Variants in ANO4 observed in about 807,000 individuals in gnomAD.
ANO4 encodes the protein anoctamin-4.
ANO4 carries 69 observed loss-of-function variants against 141.9 expected under a neutral mutation model. The observed-to-expected ratio is 0.49, with a 90% confidence interval of 0.40 to 0.59. The LOEUF is 0.59. Ranked by LOEUF, ANO4 falls within the 20% of genes least tolerant of loss-of-function variation. ANO4 has a pLI of 0.00. For missense variants in ANO4, 894 were observed against 1,162.2 expected (o/e 0.77, Z 3.36); for synonymous variants, 350 against 394.3 (o/e 0.89, Z 1.33).
intron 3 of ANO4, among the ~76,000 whole-genome samples, chr12:100,740,263 G>A (rs1484510148): frequency 6.6e-6 from 1 of 151,994 alleles, no homozygotes; most frequent in Non-Finnish European, 1.5e-5. Context: ...TTTTTAATGA[G>A]ATGGGGTCTC....
intron 8 of ANO4, among the ~76,000 whole-genome samples, chr12:101,001,950 C>G (rs2045662081): frequency 6.6e-6 from 1 of 152,148 alleles, no homozygotes; most frequent in Non-Finnish European, 1.5e-5. Flanking sequence ...GATACAACAC[C>G]CACACCATCA....
At chr12:100,873,178 C>A (rs565682365) in intron 1 of ANO4, among the ~76,000 whole-genome samples, 1 of 152,108 alleles carries the variant, frequency 6.6e-6, no homozygotes, top group Non-Finnish European at 1.5e-5. Flanking sequence ...TCAGTTAGTT[C>A]TTTATAGCAA....
chr12:101,093,416 G>A (rs1014746735), intron 17 of ANO4, among the ~76,000 whole-genome samples: 2 of 152,112 alleles, frequency 1.3e-5, no homozygotes, highest in African/African-American at 4.8e-5. Flanking sequence ...ATTCCAGCCT[G>A]GGCAATTTTA....
intron 3 of ANO4, among the ~76,000 whole-genome samples, chr12:100,785,711 T>C (rs1229325476): frequency 6.6e-6 from 1 of 152,208 alleles, no homozygotes; most frequent in Non-Finnish European, 1.5e-5. Context: ...TAGACATTCA[T>C]GTGCAGGTTT....
chr12:100,748,313 A>T (rs1178493228), intron 3 of ANO4, among the ~76,000 whole-genome samples: 1 of 152,180 alleles, frequency 6.6e-6, no homozygotes, highest in Non-Finnish European at 1.5e-5. Context: ...TGACCCTGCA[A>T]CCTGAACAAC....
intron 1 of ANO4, among the ~76,000 whole-genome samples, chr12:100,853,561 C>A (rs1026982080): frequency 1.3e-5 from 2 of 152,070 alleles, no homozygotes; most frequent in Non-Finnish European, 2.9e-5. Flanking sequence ...GCACCTGTAC[C>A]ACTCTCTCTT....
intron 1 of ANO4, among the ~76,000 whole-genome samples, chr12:100,828,232 C>G (rs1241818795): frequency 6.6e-6 from 1 of 151,946 alleles, no homozygotes; most frequent in African/African-American, 2.4e-5. Flanking sequence ...AATATTTCCT[C>G]CATTCCTCCT....
At chr12:100,777,100 T>C (rs1593311873) in intron 3 of ANO4, among the ~76,000 whole-genome samples, 1 of 79,514 alleles carries the variant, frequency 1.3e-5, no homozygotes, top group East Asian at 5.7e-4. Flanking sequence ...TGATTTTTTT[T>C]TTTTTTTTTT....
At chr12:101,045,883 G>T (rs2047608407) in intron 13 of ANO4, among the ~76,000 whole-genome samples, 1 of 152,182 alleles carries the variant, frequency 6.6e-6, no homozygotes. Context: ...TCCTTAAGTG[G>T]ATTTTTGTGC....
chr12:100,997,451 A>T (rs1222093275), intron 8 of ANO4, among the ~76,000 whole-genome samples: 3 of 151,794 alleles, frequency 2.0e-5, no homozygotes, highest in Admixed American at 1.3e-4. Context: ...AAGCCTGTGC[A>T]TGTGAAGACA....
chr12:100,822,991 A>G (rs564500859), intron 1 of ANO4, among the ~76,000 whole-genome samples: 1 of 152,182 alleles, frequency 6.6e-6, no homozygotes, highest in South Asian at 2.1e-4. Context: ...CTTTAAAACA[A>G]CATATACACT....
intron 2 of ANO4, among the ~76,000 whole-genome samples, chr12:100,737,850 C>T (rs916859679): frequency 2.6e-5 from 4 of 152,132 alleles, no homozygotes; most frequent in Non-Finnish European, 4.4e-5. Context: ...AGTCATCTCA[C>T]ACAGAAGTGT....
rs1168067898 is a variant in ANO4 at position 100,731,454 on chromosome 12, A to G, written c.23-2320A>G. Among the ~76,000 whole-genome samples, 5 of 152,172 alleles carry G rather than the reference A, an allele frequency of 3.3e-5. No individual in the cohort carries two copies. The East Asian group carries it at 7.7e-4, about 23-fold the overall frequency. ...CCCCACATATACTCCCCTGTTATCA[A>G]TATCTCCCACTGGAGTGGTGCATTT... On this transcript the variant is annotated intron_variant, in intron 1 of 29. Coordinates refer to the ANO4 transcript ENST00000644049.
chr12:100,951,759 G>C (rs1406358794), intron 5 of ANO4, among the ~76,000 whole-genome samples: 1 of 152,144 alleles, frequency 6.6e-6, no homozygotes, highest in Admixed American at 6.6e-5. Context: ...AAAGATTGTG[G>C]ATAGCTGATT....
In ANO4 at chr12:101,128,379, T is replaced by C. The variant is rs1005325546; in HGVS notation, c.*523T>C. On this transcript the variant is annotated 3_prime_UTR_variant, in exon 28 of 28. Coordinates refer to ENST00000392977, the MANE Select transcript of ANO4 (RefSeq NM_001286615.2). ...ACCTTTCTGAGAAGATTATTATATA[T>C]GACATATCTATAGCTATGTGTATGG... 2.0e-5 allele frequency: 3 copies of C among 152,662 alleles called. No homozygotes were observed. Among genetic ancestry groups the C allele is most frequent in the African/African-American group, 7.2e-5 (3 of 41,448 alleles). 9.5% of individuals were successfully genotyped at this position (152,662 alleles called of 1,614,324 possible). A position where few individuals can be genotyped will look rare whatever the true frequency, so the allele number is the denominator to read the frequency against.
intron 3 of ANO4, among the ~76,000 whole-genome samples, chr12:100,748,643 C>T (rs891605769): frequency 2.0e-5 from 3 of 152,174 alleles, no homozygotes; most frequent in Admixed American, 6.5e-5. Context: ...TAATTGATGT[C>T]GTTAGACCAT....
intron 8 of ANO4, among the ~76,000 whole-genome samples, chr12:101,003,901 G>A (rs2045760566): frequency 6.6e-6 from 1 of 152,042 alleles, no homozygotes; most frequent in Non-Finnish European, 1.5e-5. Flanking sequence ...GATCTCTGTA[G>A]GGTAGAAATC....
rs200459497 is a variant in ANO4 at position 101,094,216 on chromosome 12, G to C, written c.1702-40G>C. On this transcript the variant is annotated intron_variant, in intron 17 of 27. Coordinates refer to ENST00000392977, the MANE Select transcript of ANO4 (RefSeq NM_001286615.2). ...TTTGTGATTATAGATTTTATAATAC[G>C]TGCAGTTCATTTATTAAATGCATGA... 49 of 1,527,672 alleles carry C rather than the reference G, an allele frequency of 3.2e-5. No individual in the cohort carries two copies. The African/African-American group carries it at 6.3e-4, about 20-fold the overall frequency. 94.6% of individuals were successfully genotyped at this position (1,527,672 alleles called of 1,614,324 possible).
At chr12:100,896,503 T>C (rs1341468214) in intron 1 of ANO4, among the ~76,000 whole-genome samples, 1 of 152,210 alleles carries the variant, frequency 6.6e-6, no homozygotes. Flanking sequence ...TTTGCACTTC[T>C]GTGGAAACAG....
Sources: gnomAD v4.1 joint callset for allele counts (sites outside exome capture counted in the v4.1 genomes callset) on GRCh38, gnomAD v4.1.1 for gene constraint, MANE v1.5 for transcripts, NCBI Gene and HGNC (gene_info 2026-07-23, HGNC 2026-07-21) for gene names.